The following CSMD3 variants were observed in gnomAD, a reference collection of about 807,000 sequenced individuals.
CSMD3 encodes the protein CUB and sushi domain-containing protein 3.
In CSMD3, 177 loss-of-function variants were observed where a neutral mutation model predicts 435.2. That is an observed-to-expected ratio of 0.41 (90% CI 0.36 to 0.46). The LOEUF (loss-of-function observed/expected upper bound fraction) is 0.46. Ranked by LOEUF, CSMD3 falls within the 20% of genes least tolerant of loss-of-function variation. The probability of loss-of-function intolerance (pLI) is 0.34; values close to 1 mark genes in which losing one functional copy is unlikely to be tolerated. For synonymous variants in CSMD3, 1,656 were observed against 1,520.5 expected (o/e 1.09, Z -2.07); for missense variants, 4,265 against 4,504.6 (o/e 0.95, Z 1.52).
chr8:113,108,837 A>G (rs1277318421), intron 4 of CSMD3, among the ~76,000 whole-genome samples: 2 of 152,242 alleles, frequency 1.3e-5, no homozygotes, highest in Admixed American at 6.5e-5. Flanking sequence ...CAAAAGACCT[A>G]TGTAAACAAA....
chr8:112,837,330 C>T (rs2080055331), intron 11 of CSMD3, among the ~76,000 whole-genome samples: 1 of 151,348 alleles, frequency 6.6e-6, no homozygotes, highest in Non-Finnish European at 1.5e-5. Flanking sequence ...GATGTTTAAC[C>T]AAACAAATTA....
intron 3 of CSMD3, among the ~76,000 whole-genome samples, chr8:113,260,858 A>G (rs916430689): frequency 3.3e-5 from 5 of 152,110 alleles, no homozygotes; most frequent in Non-Finnish European, 5.9e-5. Flanking sequence ...GTTTGCTGAG[A>G]GTGATGGCTT....
At chr8:113,086,081 A>C (rs77062592) in intron 5 of CSMD3, among the ~76,000 whole-genome samples, 101,502 of 151,314 alleles carry the variant, frequency 0.67, 35,618 homozygotes, top group East Asian at 0.95. Context: ...ACTAAAAATA[A>C]ACACACACAC....
intron 4 of CSMD3, among the ~76,000 whole-genome samples, chr8:113,167,832 C>T (rs2092183762): frequency 6.6e-6 from 1 of 152,162 alleles, no homozygotes; most frequent in Non-Finnish European, 1.5e-5. Context: ...AATATAACTG[C>T]TCACATTAAG....
At chr8:112,415,107 G>A (rs1811765306) in intron 32 of CSMD3, among the ~76,000 whole-genome samples, 1 of 152,220 alleles carries the variant, frequency 6.6e-6, no homozygotes, top group African/African-American at 2.4e-5. Flanking sequence ...CAGGACAATA[G>A]GGAAAATGTC....
intron 2 of CSMD3, among the ~76,000 whole-genome samples, chr8:113,284,227 T>C (rs1030436999): frequency 6.6e-6 from 1 of 151,872 alleles, no homozygotes; most frequent in Non-Finnish European, 1.5e-5. Context: ...CCAATACTTA[T>C]GGAAAAAAAA....
intron 5 of CSMD3, among the ~76,000 whole-genome samples, chr8:113,079,482 T>C (rs1189563664): frequency 5.3e-5 from 8 of 152,104 alleles, no homozygotes; most frequent in Admixed American, 5.2e-4. Flanking sequence ...GTAAAGAGAA[T>C]ATTATATATA....
intron 27 of CSMD3, among the ~76,000 whole-genome samples, chr8:112,547,282 A>T (rs114047686): frequency 0.015 from 2,269 of 152,266 alleles, 53 homozygotes; most frequent in African/African-American, 0.051. Context: ...TAGACATTTT[A>T]AGAGACAAAG....
intron 45 of CSMD3, among the ~76,000 whole-genome samples, chr8:112,330,937 T>C (rs1397724999): frequency 2.0e-5 from 3 of 152,148 alleles, no homozygotes; most frequent in Admixed American, 2.0e-4. Context: ...CAGACCTATT[T>C]TGAACTCCAG....
At position 112,349,467 on chromosome 8, in the gene CSMD3, G is replaced by A. The variant is rs2131043185; in HGVS notation, c.6325+1708C>T. On this transcript the variant is annotated intron_variant, in intron 40 of 70. Transcript: ENST00000297405. ...GAAACTTTTCAGGCACTAGCAATAT[G>A]GTAATGGATGAAAGATCTAAACTCT... 1.3e-5 allele frequency among the ~76,000 whole-genome samples: 2 copies of A among 152,034 alleles called. 1 individual carries two copies. Among genetic ancestry groups the A allele is most frequent in the East Asian group, 3.9e-4 (2 of 5,166 alleles).
chr8:112,947,886 G>A lies in CSMD3; in HGVS notation c.1421-9C>T, dbSNP rs376144849. 1 of 1,300,678 alleles carries A rather than the reference G, an allele frequency of 7.7e-7. No individual in the cohort carries two copies. Among genetic ancestry groups the A allele is most frequent in the South Asian group, 1.2e-5 (1 of 82,848 alleles). The allele number at this position is 1,300,678 out of a possible 1,614,324, so 80.6% of individuals were successfully genotyped here. A position where few individuals can be genotyped will look rare whatever the true frequency, so the allele number is the denominator to read the frequency against. On this transcript the variant is annotated splice_polypyrimidine_tract_variant and intron_variant, in intron 8 of 70. Transcript: ENST00000297405. ...AATACCTCCCTCATTTACTGCAACAGCAGGGAAAAAAGAAAAAAGAAACAA... is the reference window on the plus strand; with the variant it reads ...AATACCTCCCTCATTTACTGCAACAACAGGGAAAAAAGAAAAAAGAAACAA...
At chr8:113,254,931 T>G (rs1384365831) in intron 3 of CSMD3, among the ~76,000 whole-genome samples, 1 of 152,250 alleles carries the variant, frequency 6.6e-6, no homozygotes, top group Non-Finnish European at 1.5e-5. Flanking sequence ...AAAAATTTAT[T>G]ATAACAATTG....
At chr8:113,043,541 A>C (rs978170934) in intron 5 of CSMD3, among the ~76,000 whole-genome samples, 3 of 152,142 alleles carry the variant, frequency 2.0e-5, no homozygotes, top group African/African-American at 7.2e-5. Context: ...AGAGTAGAAA[A>C]TTATATTCCC....
At chr8:113,376,173 AC>A (rs1393397900) in intron 1 of CSMD3, among the ~76,000 whole-genome samples, 1 of 152,162 alleles carries the variant, frequency 6.6e-6, no homozygotes, top group Admixed American at 6.5e-5. Flanking sequence ...AAATTTAATT[AC>A]TTTTAAAGGC....
Position 112,561,796 on chromosome 8 carries a change from A to G in CSMD3, c.4043-4842T>C, listed in dbSNP as rs553585187. 6.6e-5 allele frequency among the ~76,000 whole-genome samples: 10 copies of G among 151,766 alleles called. No homozygotes were observed. In the South Asian group the frequency reaches 1.9e-3, roughly 28 times the overall value. ...TTGCAAGTGTTCATACATTTTATAAATTATATAATGGTTTTAAAAATTCTG... is the reference window on the plus strand; with the variant it reads ...TTGCAAGTGTTCATACATTTTATAAGTTATATAATGGTTTTAAAAATTCTG... On this transcript the variant is annotated intron_variant, in intron 24 of 70. Transcript: ENST00000297405.
Position 113,389,454 on chromosome 8 carries a change from C to CA in CSMD3, c.178+47222dup, listed in dbSNP as rs540253787. On this transcript the variant is annotated intron_variant, in intron 1 of 70. Transcript: ENST00000297405. ...TATTAATGTAAAAATAGAGCAATTA[C>CA]AAAAAAAGTGGCTAATGTATTGAAG... is the stretch of plus-strand genomic sequence containing the variant. 6.1e-4 allele frequency among the ~76,000 whole-genome samples: 93 copies of CA among 151,232 alleles called. No homozygotes were observed. In the Middle Eastern group the frequency reaches 0.01, roughly 17 times the overall value.
In CSMD3 at chr8:113,109,304, G is replaced by A. The variant is rs922218784; in HGVS notation, c.710-10341C>T. On this transcript the variant is annotated intron_variant, in intron 4 of 70. Coordinates refer to ENST00000297405, the MANE Select transcript of CSMD3 (RefSeq NM_198123.2). Reference sequence around the variant, plus strand: ...TCTTAGCTAATTCTAGTATCAAGTCGGAAGTCTAAAGTCAAGAGTCCTATT... The same window carrying A: ...TCTTAGCTAATTCTAGTATCAAGTCAGAAGTCTAAAGTCAAGAGTCCTATT... Among the ~76,000 whole-genome samples the A allele has an allele frequency of 1.2e-4, 18 of 152,232 alleles. No individual in the cohort carries two copies. In the East Asian group the frequency reaches 1.5e-3, roughly 13 times the overall value.
Position 112,864,272 on chromosome 8 carries a change from G to A in CSMD3, c.1634-5006C>T, listed in dbSNP as rs181220079. On this transcript the variant is annotated intron_variant, in intron 10 of 70. Transcript: ENST00000297405. ...TGTTGTTGTTGTTGTTGTTTTAGAC[G>A]GAGTCTCACTCTGTTACCCAGGCTG... Among the ~76,000 whole-genome samples, 1,389 of 151,502 alleles carry A rather than the reference G, an allele frequency of 9.2e-3. 9 individuals carry two copies. The highest frequency in any genetic ancestry group is 0.014 in the Non-Finnish European group (949 of 67,876).
intron 21 of CSMD3, among the ~76,000 whole-genome samples, chr8:112,638,139 TGATTATA>T (rs1188003937): frequency 2.7e-5 from 4 of 150,108 alleles, no homozygotes; most frequent in Admixed American, 6.7e-5. Context: ...TATGTTAATT[TGATTATA>T]GATTATAGAT....
Sources: gnomAD v4.1 joint callset for allele counts (sites outside exome capture counted in the v4.1 genomes callset) on GRCh38, gnomAD v4.1.1 for gene constraint, MANE v1.5 for transcripts, NCBI Gene and HGNC (gene_info 2026-07-23, HGNC 2026-07-21) for gene names.